ZNF75D: variants seen among roughly 807,000 people sequenced by gnomAD.
The protein encoded by ZNF75D is zinc finger protein 75D, also known as zinc finger protein 75.
A neutral mutation model predicts 33.3 loss-of-function variants in ZNF75D; 33 were observed. That is an observed-to-expected ratio of 0.99 (90% CI 0.75 to 1.32). The LOEUF is 1.32. Among genes scored for constraint, ZNF75D ranks in the 40% most tolerant of loss-of-function variants. The pLI is 0.00. For missense variants in ZNF75D, 338 were observed against 367.5 expected (o/e 0.92, Z 0.66); for synonymous variants, 113 against 130.6 (o/e 0.87, Z 0.92).
intron 1 of ZNF75D, among the ~76,000 whole-genome samples, chrX:135,335,461 C>CAATT (rs781825177): frequency 2.7e-5 from 3 of 111,027 alleles, no homozygotes; most frequent in Non-Finnish European, 3.8e-5. Flanking sequence ...CCCCTCTAGC[C>CAATT]AATTTAGTCT....
At chrX:135,292,194 G>T in intron 4 of ZNF75D, 87 bp downstream of exon 4, 1 of 961,771 alleles carries the variant, frequency 1.0e-6, no homozygotes, top group Non-Finnish European at 1.5e-6. Context: ...AGCATGGCTG[G>T]CCACCTGGAA....
intron 1 of ZNF75D, among the ~76,000 whole-genome samples, chrX:135,336,828 G>A (rs1273897288): frequency 1.8e-5 from 2 of 112,265 alleles, no homozygotes; most frequent in African/African-American, 6.5e-5. Flanking sequence ...TTTGTTCGGG[G>A]ATCCCTTGAC....
chrX:135,299,595 T>C (rs1556424038), intron 1 of ZNF75D, among the ~76,000 whole-genome samples: 1 of 112,353 alleles, frequency 8.9e-6, no homozygotes, highest in Admixed American at 9.4e-5. Context: ...CTTGATGGTG[T>C]CCTCTGCTGC....
intron 1 of ZNF75D, among the ~76,000 whole-genome samples, chrX:135,336,992 C>G (rs914006281): frequency 8.9e-6 from 1 of 111,772 alleles, no homozygotes; most frequent in South Asian, 3.8e-4. Context: ...TGCAGAGGCA[C>G]GATTGGAACT....
In ZNF75D at chrX:135,258,058, C is replaced by A. The variant is rs782161202; in HGVS notation, n.828-2281G>T. Among the ~76,000 whole-genome samples, 807 of 108,420 alleles carry A rather than the reference C, an allele frequency of 7.4e-3. 6 individuals are homozygous for A. Among genetic ancestry groups the A allele is most frequent in the African/African-American group, 0.025 (759 of 30,278 alleles). 94.1% of individuals were successfully genotyped at this position (108,420 alleles called of 115,157 possible). ...ATTACCACCTATGAGTGAGAACATG[C>A]AGTGTTTGGTTTTCTGTCCTTGTGA... On this transcript the variant is annotated intron_variant and non_coding_transcript_variant, in intron 1 of 3. Transcript: ENST00000494295.
chrX:135,307,711 G>T (rs1197018561), intron 1 of ZNF75D, among the ~76,000 whole-genome samples: 1 of 111,855 alleles, frequency 8.9e-6, no homozygotes, highest in Non-Finnish European at 1.9e-5. Flanking sequence ...TTTGGGAGGG[G>T]GTCACACAGT....
intron 1 of ZNF75D, among the ~76,000 whole-genome samples, chrX:135,301,591 A>C (rs1400969434): frequency 8.9e-6 from 1 of 112,398 alleles, no homozygotes; most frequent in African/African-American, 3.2e-5. Flanking sequence ...GGCCCCATGC[A>C]AGACCCAAAC....
intron 4 of ZNF75D, 63 bp from the exon 5 acceptor site, chrX:135,291,626 T>G: frequency 2.6e-6 from 3 of 1,171,423 alleles, no homozygotes; most frequent in Non-Finnish European, 3.4e-6. Flanking sequence ...CCAAGCTGAT[T>G]TCTAAAATAA....
At position 135,260,712 on chromosome X, in the gene ZNF75D, C is replaced by A. The variant is rs182147667; in HGVS notation, n.828-4935G>T. Among the ~76,000 whole-genome samples the A allele has an allele frequency of 2.4e-3, 270 of 111,646 alleles. 1 individual carries two copies. The highest frequency in any genetic ancestry group is 7.8e-3 in the African/African-American group (240 of 30,695). ...TTTTCTTCTTTATTAGTCTTGCTAG[C>A]GGTCTATCAATTTTGTCAATCTTTT... is the stretch of plus-strand genomic sequence containing the variant. On this transcript the variant is annotated intron_variant and non_coding_transcript_variant, in intron 1 of 3. Transcript: ENST00000494295.
chrX:135,276,323 C>T (rs1301097694), intron 1 of ZNF75D, among the ~76,000 whole-genome samples: 1 of 111,061 alleles, frequency 9.0e-6, no homozygotes, highest in Non-Finnish European at 1.9e-5. Context: ...TTTTATATAC[C>T]ACATTTTCTT....
chrX:135,341,319 G>A (rs1265007783), intron 1 of ZNF75D, among the ~76,000 whole-genome samples: 2 of 112,022 alleles, frequency 1.8e-5, no homozygotes, highest in Non-Finnish European at 3.8e-5. Context: ...GGGTGAATGT[G>A]CAGTAGGGAA....
chrX:135,257,963 C>T (rs1367961198), intron 1 of ZNF75D, among the ~76,000 whole-genome samples: 1 of 100,423 alleles, frequency 1.0e-5, no homozygotes, highest in South Asian at 4.2e-4. Context: ...CCTCCCGGAG[C>T]CCCCCCACCA....
At chrX:135,259,474 C>G (rs2083828427) in intron 1 of ZNF75D, among the ~76,000 whole-genome samples, 1 of 111,275 alleles carries the variant, frequency 9.0e-6, no homozygotes, top group Non-Finnish European at 1.9e-5. Flanking sequence ...ATTTCCTTCA[C>G]CAGTGGTTTC....
At chrX:135,259,810 G>A (rs782552348) in intron 1 of ZNF75D, among the ~76,000 whole-genome samples, 1 of 111,757 alleles carries the variant, frequency 8.9e-6, no homozygotes, top group East Asian at 2.8e-4. Flanking sequence ...GATTGTCCTG[G>A]CCAGAACTTC....
chrX:135,340,492 A>G (rs1268123404), intron 1 of ZNF75D, among the ~76,000 whole-genome samples: 1 of 112,363 alleles, frequency 8.9e-6, no homozygotes, highest in Non-Finnish European at 1.9e-5. Context: ...TGCCCCTGAA[A>G]TTTTAATCTT....
chrX:135,274,213 GTAAA>G (rs1216782885), intron 1 of ZNF75D, among the ~76,000 whole-genome samples: 1 of 112,089 alleles, frequency 8.9e-6, no homozygotes, highest in Admixed American at 9.5e-5. Context: ...TGTCTTGTAA[GTAAA>G]AGAGCACTCA....
At chrX:135,323,745 A>C (rs2084526112) in intron 1 of ZNF75D, among the ~76,000 whole-genome samples, 1 of 111,677 alleles carries the variant, frequency 9.0e-6, no homozygotes, top group African/African-American at 3.3e-5. Flanking sequence ...CCATAATTCT[A>C]TCCCCAAAGT....
chrX:135,325,481 C>T (rs1273159767), intron 1 of ZNF75D, among the ~76,000 whole-genome samples: 1 of 111,362 alleles, frequency 9.0e-6, no homozygotes, highest in African/African-American at 3.3e-5. Flanking sequence ...GGAACCAGGG[C>T]TGCGAGCGGG....
intron 1 of ZNF75D, among the ~76,000 whole-genome samples, chrX:135,257,526 G>A (rs906883923): frequency 8.8e-6 from 1 of 113,229 alleles, no homozygotes; most frequent in Non-Finnish European, 1.9e-5. Flanking sequence ...AATTGCGAAG[G>A]TATTTTACTC....
Sources: allele counts gnomAD v4.1 joint callset (sites outside exome capture counted in the v4.1 genomes callset), GRCh38; gene constraint gnomAD v4.1.1; transcripts MANE v1.5; gene names NCBI Gene and HGNC (gene_info 2026-07-23, HGNC 2026-07-21).